NREP: variants seen among roughly 807,000 people sequenced by gnomAD.
NREP encodes the protein neuronal regeneration related protein.
Under a neutral mutation model 8.6 loss-of-function variants are expected in NREP, and 5 were observed. That is an observed-to-expected ratio of 0.58 (90% confidence interval 0.30 to 1.22). The LOEUF is 1.22. Ranked by LOEUF, NREP falls within the 50% of genes most tolerant of loss-of-function variation. The probability of loss-of-function intolerance (pLI) is 0.07; values close to 1 mark genes in which losing one functional copy is unlikely to be tolerated. For synonymous variants in NREP, 27 were observed against 28.0 expected (o/e 0.96, Z 0.11); for missense variants, 86 against 82.5 (o/e 1.04, Z -0.17).
At chr5:111,829,430 C>T (rs1243424831) in intron 2 of NREP, among the ~76,000 whole-genome samples, 5 of 152,112 alleles carry the variant, frequency 3.3e-5, no homozygotes, top group Non-Finnish European at 5.9e-5. Flanking sequence ...CATGTTTCTG[C>T]AAGATAATCT....
At chr5:111,975,202 T>G in intron 2 of NREP, 1 of 999,458 alleles carries the variant, frequency 1.0e-6, no homozygotes, top group Non-Finnish European at 1.5e-6. Context: ...AATCACTTGG[T>G]TGCATGTGAT....
chr5:111,823,662 G>GC (rs1352547848), intron 2 of NREP, among the ~76,000 whole-genome samples: 1 of 152,280 alleles, frequency 6.6e-6, no homozygotes, highest in East Asian at 1.9e-4. Context: ...TCTGAGCTGA[G>GC]CGCTATAAGA....
chr5:111,943,036 C>T (rs1034373287), intron 2 of NREP, among the ~76,000 whole-genome samples: 2 of 152,008 alleles, frequency 1.3e-5, no homozygotes, highest in African/African-American at 4.8e-5. Context: ...ATCTCCTATA[C>T]ATATGTGGCT....
chr5:111,751,157 C>A (rs1750336180), intron 2 of NREP, among the ~76,000 whole-genome samples: 1 of 152,084 alleles, frequency 6.6e-6, no homozygotes, highest in East Asian at 1.9e-4. Flanking sequence ...TAATACTTTA[C>A]CAAGCACTAT....
At chr5:111,811,941 A>G (rs1172682124) in intron 2 of NREP, among the ~76,000 whole-genome samples, 2 of 152,200 alleles carry the variant, frequency 1.3e-5, no homozygotes, top group Admixed American at 1.3e-4. Context: ...ATTGGATGAA[A>G]TTGGATTCGA....
intron 2 of NREP, among the ~76,000 whole-genome samples, chr5:111,847,025 C>T (rs1018977452): frequency 2.0e-5 from 3 of 151,940 alleles, no homozygotes; most frequent in Non-Finnish European, 4.4e-5. Context: ...CGACTGATGC[C>T]AGAGACTGCT....
At chr5:111,912,755 A>G (rs1478754226) in intron 2 of NREP, 2 of 152,148 alleles carry the variant, frequency 1.3e-5, no homozygotes, top group African/African-American at 4.8e-5. Context: ...ACATCTTTGT[A>G]TTCTTCATAT....
chr5:111,882,837 G>C (rs1258474013), intron 2 of NREP, among the ~76,000 whole-genome samples: 1 of 152,204 alleles, frequency 6.6e-6, no homozygotes, highest in Non-Finnish European at 1.5e-5. Flanking sequence ...CACTAAACAT[G>C]GAAAGGAACA....
intron 2 of NREP, among the ~76,000 whole-genome samples, chr5:111,771,337 A>G (rs1414582180): frequency 6.6e-6 from 1 of 152,020 alleles, no homozygotes; most frequent in Non-Finnish European, 1.5e-5. Context: ...TTACTGAGTA[A>G]ATACTCTGCC....
intron 2 of NREP, among the ~76,000 whole-genome samples, chr5:111,925,184 T>C (rs1191236490): frequency 6.6e-6 from 1 of 152,016 alleles, no homozygotes; most frequent in Non-Finnish European, 1.5e-5. Context: ...GTAACGGCAG[T>C]TTGGGCCACT....
At chr5:111,841,079 G>T (rs779687863) in intron 2 of NREP, among the ~76,000 whole-genome samples, 1 of 152,092 alleles carries the variant, frequency 6.6e-6, no homozygotes, top group African/African-American at 2.4e-5. Flanking sequence ...TGATCCCAGA[G>T]AATAAGTACA....
At chr5:111,935,562 A>G (rs1755660229) in intron 2 of NREP, among the ~76,000 whole-genome samples, 1 of 152,132 alleles carries the variant, frequency 6.6e-6, no homozygotes, top group Admixed American at 6.6e-5. Flanking sequence ...GAAGGCAGAG[A>G]TAAAGGCAGC....
chr5:111,855,030 A>G (rs1016268816), intron 2 of NREP, among the ~76,000 whole-genome samples: 14 of 152,108 alleles, frequency 9.2e-5, no homozygotes, highest in Non-Finnish European at 2.1e-4. Context: ...TATTAATATG[A>G]TACAATCAAT....
intron 2 of NREP, among the ~76,000 whole-genome samples, chr5:111,845,064 G>A (rs562378248): frequency 6.6e-6 from 1 of 152,212 alleles, no homozygotes; most frequent in African/African-American, 2.4e-5. Context: ...TGGGGCCACA[G>A]AGGTCTGCCT....
Position 111,827,274 on chromosome 5 carries a change from A to G in NREP, c.136-91767T>C, listed in dbSNP as rs115903426. 3.5e-3 allele frequency among the ~76,000 whole-genome samples: 532 copies of G among 152,334 alleles called. 3 individuals are homozygous for G. Among genetic ancestry groups the G allele is most frequent in the African/African-American group, 0.012 (514 of 41,566 alleles). On this transcript the variant is annotated intron_variant, in intron 2 of 3. Transcript: ENST00000395634. ...CATACCATCAGTGTAAGGGATGCAC[A>G]CGTTTGGTTTGCTTCCTACCTATAC...
At chr5:111,908,577 A>G (rs539639250) in intron 2 of NREP, among the ~76,000 whole-genome samples, 2 of 152,124 alleles carry the variant, frequency 1.3e-5, no homozygotes, top group South Asian at 4.1e-4. Flanking sequence ...GCCCCTAGCT[A>G]CATCCATGTT....
chr5:111,941,065 G>C (rs892585838), intron 2 of NREP, among the ~76,000 whole-genome samples: 2 of 151,962 alleles, frequency 1.3e-5, no homozygotes, highest in African/African-American at 2.4e-5. Context: ...GTTGTTGCTG[G>C]GAGAAACCAC....
chr5:111,963,994 T>C, intron 2 of NREP, among the ~76,000 whole-genome samples: 1 of 152,230 alleles, frequency 6.6e-6, no homozygotes, highest in East Asian at 1.9e-4. Context: ...ATAATAATAA[T>C]GCAAGCACTT....
intron 2 of NREP, among the ~76,000 whole-genome samples, chr5:111,776,540 A>C (rs1354798616): frequency 1.3e-5 from 2 of 152,218 alleles, no homozygotes; most frequent in Non-Finnish European, 2.9e-5. Flanking sequence ...TTTTTTCAAA[A>C]TAGCCCTTAA....
Sources: allele counts gnomAD v4.1 joint callset (sites outside exome capture counted in the v4.1 genomes callset), GRCh38; gene constraint gnomAD v4.1.1; transcripts MANE v1.5; gene names NCBI Gene and HGNC (gene_info 2026-07-23, HGNC 2026-07-21).